ADAMTS6: variants seen among roughly 807,000 people sequenced by gnomAD.
The protein encoded by ADAMTS6 is ADAM metallopeptidase with thrombospondin type 1 motif 6, also known as A disintegrin and metalloproteinase with thrombospondin motifs 6.
A neutral mutation model predicts 144.3 loss-of-function variants in ADAMTS6; 23 were observed. The ratio of observed to expected loss-of-function variants is 0.16; its 90% CI spans 0.11 to 0.23. The LOEUF (loss-of-function observed/expected upper bound fraction) is 0.23. ADAMTS6 is among the 10% of genes least tolerant of loss of function. The pLI is 1.00. For missense variants in ADAMTS6, 999 were observed against 1,379.6 expected, an observed-to-expected ratio of 0.72 and a Z score of 4.37; for synonymous variants, 444 against 457.5, an observed-to-expected ratio of 0.97 and a Z score of 0.38.
intron 7 of ADAMTS6, among the ~76,000 whole-genome samples, chr5:65,416,796 A>AAATAT (rs2150191924): frequency 6.6e-6 from 1 of 151,252 alleles, no homozygotes; most frequent in South Asian, 2.1e-4. Context: ...AAATAAAATA[A>AAATAT]AATAATATAA....
chr5:65,196,022 A>G (rs1015706107), intron 21 of ADAMTS6, among the ~76,000 whole-genome samples: 5 of 152,222 alleles, frequency 3.3e-5, no homozygotes, highest in African/African-American at 9.6e-5. Flanking sequence ...AGCAGGTCTC[A>G]TTTAAAACCA....
chr5:65,403,584 C>A (rs1754131503), intron 7 of ADAMTS6, among the ~76,000 whole-genome samples: 1 of 152,102 alleles, frequency 6.6e-6, no homozygotes, highest in African/African-American at 2.4e-5. Flanking sequence ...CTCTTTCTCT[C>A]ATACTCTTAT....
chr5:65,468,848 C>G (rs927345499), intron 3 of ADAMTS6, among the ~76,000 whole-genome samples: 1 of 152,206 alleles, frequency 6.6e-6, no homozygotes, highest in Admixed American at 6.5e-5. Context: ...TTACTCGTTT[C>G]CAGAATTGAA....
At chr5:65,152,016 C>G (rs1696893497) in intron 24 of ADAMTS6, 71 bp from the exon 25 acceptor site, 1 of 1,336,542 alleles carries the variant, frequency 7.5e-7, no homozygotes, top group Non-Finnish European at 1.1e-6. Context: ...AGCCGATGGG[C>G]CTGCATGTTC....
intron 11 of ADAMTS6, among the ~76,000 whole-genome samples, chr5:65,281,427 C>T (rs1762980753): frequency 6.6e-6 from 1 of 152,062 alleles, no homozygotes. Flanking sequence ...CTATTATATA[C>T]TAATTTATAA....
At chr5:65,219,895 C>G (rs1757191727) in intron 18 of ADAMTS6, among the ~76,000 whole-genome samples, 2 of 152,256 alleles carry the variant, frequency 1.3e-5, no homozygotes, top group African/African-American at 4.8e-5. Context: ...TTAATAAGAA[C>G]AGTAAACAAA....
At chr5:65,372,253 A>G (rs1187501594) in intron 7 of ADAMTS6, among the ~76,000 whole-genome samples, 2 of 149,510 alleles carry the variant, frequency 1.3e-5, no homozygotes, top group Non-Finnish European at 2.9e-5. Context: ...TTCACACATA[A>G]CAATATTAAC....
Position 65,257,972 on chromosome 5 carries a change from A to T in ADAMTS6, c.1830+2628T>A, listed in dbSNP as rs548848109. ...AAGCATGGTCTAATATACAATAGGC[A>T]TTCAATTATTTTTTAAACAAATGAA... is the stretch of plus-strand genomic sequence containing the variant. On this transcript the variant is annotated intron_variant, in intron 14 of 24. Coordinates refer to ENST00000381055, the MANE Select transcript of ADAMTS6 (RefSeq NM_197941.4). 2.6e-5 allele frequency among the ~76,000 whole-genome samples: 4 copies of T among 152,374 alleles called. No individual in the cohort carries two copies. The East Asian group carries it at 7.7e-4, about 29-fold the overall frequency.
At chr5:65,302,099 A>G (rs1743446526) in intron 9 of ADAMTS6, among the ~76,000 whole-genome samples, 1 of 94,404 alleles carries the variant, frequency 1.1e-5, no homozygotes. Flanking sequence ...CTCCAAAAAA[A>G]AAAAAAAAAT....
intron 9 of ADAMTS6, among the ~76,000 whole-genome samples, chr5:65,303,092 G>T (rs996740687): frequency 1.1e-4 from 17 of 152,096 alleles, no homozygotes; most frequent in Non-Finnish European, 2.2e-4. Flanking sequence ...TTTGATGGTT[G>T]ATTTTAATTA....
Position 65,186,807 on chromosome 5 carries a change from A to G in ADAMTS6, c.2910+1209T>C, listed in dbSNP as rs180743342. On this transcript the variant is annotated intron_variant, in intron 22 of 24. Transcript: ENST00000381055. Reference sequence around the variant, plus strand: ...TAATTACTGAAGCTGGACTATGGCTAGGAAACTTGGAAGAACACTCCCAAT... The same window carrying G: ...TAATTACTGAAGCTGGACTATGGCTGGGAAACTTGGAAGAACACTCCCAAT... Among the ~76,000 whole-genome samples the G allele has an allele frequency of 2.4e-4, 37 of 152,300 alleles. 1 individual carries two copies. In the South Asian group the frequency reaches 5.8e-3, roughly 24 times the overall value.
chr5:65,362,569 C>T (rs1277774521), intron 7 of ADAMTS6, among the ~76,000 whole-genome samples: 1 of 152,162 alleles, frequency 6.6e-6, no homozygotes, highest in Non-Finnish European at 1.5e-5. Context: ...AAACACTGCT[C>T]ATAATCATAT....
intron 4 of ADAMTS6, among the ~76,000 whole-genome samples, chr5:65,458,438 G>T (rs992363480): frequency 1.3e-5 from 2 of 152,128 alleles, no homozygotes; most frequent in East Asian, 1.9e-4. Flanking sequence ...TTGAGATGGA[G>T]TCTCACTCTG....
At chr5:65,445,301 A>G (rs1758181241) in intron 7 of ADAMTS6, among the ~76,000 whole-genome samples, 1 of 152,142 alleles carries the variant, frequency 6.6e-6, no homozygotes, top group African/African-American at 2.4e-5. Context: ...TTTTTCAGAC[A>G]TAACTGTCAA....
intron 1 of ADAMTS6, among the ~76,000 whole-genome samples, chr5:65,478,420 T>A (rs1760985161): frequency 6.6e-6 from 1 of 152,248 alleles, no homozygotes; most frequent in Admixed American, 6.5e-5. Context: ...GCACAAAGGC[T>A]TTGAGTCCTG....
At chr5:65,305,140 T>C (rs1743807012) in intron 9 of ADAMTS6, among the ~76,000 whole-genome samples, 1 of 152,062 alleles carries the variant, frequency 6.6e-6, no homozygotes, top group Non-Finnish European at 1.5e-5. Flanking sequence ...ATCAGAAAAA[T>C]ATTATGGACA....
chr5:65,450,837 G>A (rs1443140746), intron 7 of ADAMTS6, among the ~76,000 whole-genome samples: 1 of 152,062 alleles, frequency 6.6e-6, no homozygotes, highest in Non-Finnish European at 1.5e-5. Context: ...TTGCTGGAGA[G>A]TAAAGAATAA....
At chr5:65,273,562 T>C in intron 11 of ADAMTS6, 115 bp from the exon 12 acceptor site, 1 of 754,696 alleles carries the variant, frequency 1.3e-6, no homozygotes, top group Non-Finnish European at 2.2e-6. Flanking sequence ...TACCTTTTGC[T>C]GCTGAAGCAT....
At chr5:65,169,495 A>G (rs998492191) in intron 24 of ADAMTS6, among the ~76,000 whole-genome samples, 5 of 134,446 alleles carry the variant, frequency 3.7e-5, no homozygotes, top group Admixed American at 7.5e-5. Flanking sequence ...TCAGGGATCT[A>G]GAACTAGAAA....
Sources: allele counts gnomAD v4.1 joint callset (sites outside exome capture counted in the v4.1 genomes callset), GRCh38; gene constraint gnomAD v4.1.1; transcripts MANE v1.5; gene names NCBI Gene and HGNC (gene_info 2026-07-23, HGNC 2026-07-21).